ATP2B2: variants seen among roughly 807,000 people sequenced by gnomAD.
ATP2B2 encodes plasma membrane calcium-transporting ATPase 2.
Under a neutral mutation model 120.0 loss-of-function variants are expected in ATP2B2, and 15 were observed. The observed-to-expected ratio is 0.12, with a 90% CI of 0.08 to 0.19. ATP2B2 has a LOEUF of 0.19. ATP2B2 is among the 10% of genes least tolerant of loss of function. ATP2B2 has a pLI of 1.00. For synonymous variants in ATP2B2, 694 were observed against 700.3 expected (o/e 0.99, Z 0.14); for missense variants, 1,045 against 1,719.8 (o/e 0.61, Z 6.94).
chr3:10,540,845 G>C (rs956925867), intron 2 of ATP2B2, among the ~76,000 whole-genome samples: 6 of 151,084 alleles, frequency 4.0e-5, no homozygotes, highest in African/African-American at 1.5e-4. Context: ...TTGTGCACAT[G>C]TACCCTAGAA....
At chr3:10,470,476 G>A (rs1196876796) in intron 1 of ATP2B2, among the ~76,000 whole-genome samples, 6 of 152,146 alleles carry the variant, frequency 3.9e-5, no homozygotes, top group Admixed American at 2.0e-4. Flanking sequence ...GTTAAGTACA[G>A]GACTGAGGGA....
rs961663093 is a variant in ATP2B2, at chr3:10,342,374, G to A, written c.2917+378C>T. Among the ~76,000 whole-genome samples, 3 of 152,198 alleles carry A rather than the reference G, an allele frequency of 2.0e-5. No individual in the cohort carries two copies. The highest frequency in any genetic ancestry group is 1.3e-4 in the Admixed American group (2 of 15,292). On this transcript the variant is annotated intron_variant, in intron 19 of 22. Transcript: ENST00000360273. The surrounding 1 kb of genome is among the most constrained non-coding windows in gnomAD (Gnocchi z 4.4). ...AAGCCTTGCTGAGGGTCCCTTCCAC[G>A]GGGCCAGGATAAGGTGCTGGAATGG...
intron 12 of ATP2B2, among the ~76,000 whole-genome samples, chr3:10,369,864 A>G (rs2061174742): frequency 6.6e-6 from 1 of 152,184 alleles, no homozygotes; most frequent in Admixed American, 6.5e-5. Flanking sequence ...TCCTTCCCAC[A>G]TCGACGGCTG....
intron 2 of ATP2B2, chr3:10,566,590 T>C (rs1038586397): frequency 2.0e-5 from 3 of 152,230 alleles, no homozygotes; most frequent in African/African-American, 7.2e-5. Context: ...TTAGTTTAGA[T>C]TGAAGAGAAG....
intron 1 of ATP2B2, among the ~76,000 whole-genome samples, chr3:10,492,075 G>A (rs1008001329): frequency 7.2e-5 from 11 of 152,176 alleles, no homozygotes; most frequent in Non-Finnish European, 1.3e-4. Context: ...CATTTGTTGC[G>A]ACAAGCATGC....
chr3:10,438,694 C>T (rs142022723), intron 2 of ATP2B2, among the ~76,000 whole-genome samples: 13 of 152,340 alleles, frequency 8.5e-5, no homozygotes, highest in Non-Finnish European at 1.2e-4. Flanking sequence ...ATAACTTACC[C>T]GCCCTGTCTG....
intron 1 of ATP2B2, among the ~76,000 whole-genome samples, chr3:10,484,978 G>A (rs1006367065): frequency 5.3e-5 from 8 of 152,250 alleles, no homozygotes; most frequent in Non-Finnish European, 8.8e-5. Flanking sequence ...CCTGGGCACA[G>A]TGCCTGGCAC....
At chr3:10,496,654 G>A (rs1195350975) in intron 1 of ATP2B2, among the ~76,000 whole-genome samples, 3 of 151,984 alleles carry the variant, frequency 2.0e-5, no homozygotes, top group Non-Finnish European at 2.9e-5. Context: ...CACTCCACAC[G>A]CAGACACTAG....
intron 3 of ATP2B2, among the ~76,000 whole-genome samples, chr3:10,529,092 C>T (rs541587160): frequency 1.3e-5 from 2 of 152,326 alleles, no homozygotes; most frequent in Non-Finnish European, 2.9e-5. Flanking sequence ...TCCCACCTTC[C>T]CGGGGGAAGA....
chr3:10,449,479 C>A lies in ATP2B2; in HGVS notation c.65G>T (p.Gly22Val), dbSNP rs777800527. 4 of 1,614,252 alleles carry A rather than the reference C, an allele frequency of 2.5e-6. No individual in the cohort carries two copies. In the South Asian group the frequency reaches 4.4e-5, roughly 18 times the overall value. The change falls in exon 2 of 23, where the codon GGC (glycine) becomes GTC (valine). Residue 22 changes from glycine to valine, a missense_variant. This residue lies in a region of ATP2B2 where 139 missense variants were observed against 134.2 expected (regional missense o/e 1.04). Transcript: ENST00000360273. Reference sequence around the variant, plus strand: ...CTCCTCCATTGTGCACCCGAACTCGCCCCCATGGCTCGACTCATTTCTTTG... The same window carrying A: ...CTCCTCCATTGTGCACCCGAACTCGACCCCATGGCTCGACTCATTTCTTTG... ...KNQRNESSHG[G>V]EFGCTMEELR...
chr3:10,624,134 G>C (rs1271200156), intron 1 of ATP2B2, among the ~76,000 whole-genome samples: 1 of 152,126 alleles, frequency 6.6e-6, no homozygotes, highest in Non-Finnish European at 1.5e-5. Flanking sequence ...GCTTAGTTTG[G>C]TTTGACCCAG....
At chr3:10,336,730 G>A (rs969002476) in intron 22 of ATP2B2, among the ~76,000 whole-genome samples, 4 of 152,200 alleles carry the variant, frequency 2.6e-5, no homozygotes, top group African/African-American at 4.8e-5. Context: ...CTGACCTTGG[G>A]CAAGCCACCT....
chr3:10,540,284 G>A (rs923620841), intron 2 of ATP2B2, among the ~76,000 whole-genome samples: 1 of 152,218 alleles, frequency 6.6e-6, no homozygotes, highest in Non-Finnish European at 1.5e-5. Flanking sequence ...CTGTAAACTA[G>A]TTCAACCATT....
chr3:10,449,322 G>T (rs749453685), intron 2 of ATP2B2, 23 bp downstream of exon 2: 2 of 1,613,858 alleles, frequency 1.2e-6, no homozygotes, highest in Non-Finnish European at 1.7e-6. Context: ...CTGCAGCCCT[G>T]GGTTCAAGTC....
rs529210961 is a variant in ATP2B2 at position 10,449,595 on chromosome 3, A to C, written c.-52T>G. 12 of 1,607,440 alleles carry C rather than the reference A, an allele frequency of 7.5e-6. No homozygotes were observed. The highest frequency in any genetic ancestry group is 9.4e-6 in the Non-Finnish European group (11 of 1,174,440). On this transcript the variant is annotated 5_prime_UTR_variant, in exon 2 of 23. Coordinates refer to ENST00000360273, the MANE Select transcript of ATP2B2 (RefSeq NM_001001331.4). ...GGCCCAAGGGTCAGCGCTGGACAAGAGGCTGCCGGGTGATGGCTGCTTGTG... is the reference window on the plus strand; with the variant it reads ...GGCCCAAGGGTCAGCGCTGGACAAGCGGCTGCCGGGTGATGGCTGCTTGTG...
At chr3:10,380,467 G>A (rs1342430579) in intron 8 of ATP2B2, among the ~76,000 whole-genome samples, 3 of 152,226 alleles carry the variant, frequency 2.0e-5, no homozygotes, top group Non-Finnish European at 4.4e-5. Context: ...CATAAGCTCT[G>A]AGATTCCATC....
intron 1 of ATP2B2, among the ~76,000 whole-genome samples, chr3:10,707,747 C>T (rs913302463): frequency 4.6e-5 from 7 of 151,682 alleles, no homozygotes; most frequent in African/African-American, 1.5e-4. Flanking sequence ...GCGCCTGCCT[C>T]CGCGGGGCGA....
chr3:10,575,432 G>A lies in ATP2B2; in HGVS notation c.-414-41299C>T, dbSNP rs952135615. On this transcript the variant is annotated intron_variant, in intron 2 of 21. Coordinates refer to the ATP2B2 transcript ENST00000646379. ...CCTAGAGTTCTAGGGAGGATTCAAC[G>A]AAAACAATCCATATAAAGTCTTTAG... 5.9e-5 allele frequency among the ~76,000 whole-genome samples: 9 copies of A among 152,190 alleles called. No homozygotes were observed. The East Asian group carries it at 1.2e-3, about 20-fold the overall frequency.
intron 1 of ATP2B2, among the ~76,000 whole-genome samples, chr3:10,461,731 T>G (rs2064499146): frequency 6.6e-6 from 1 of 152,166 alleles, no homozygotes; most frequent in Admixed American, 6.5e-5. Context: ...CTAGGCTTCC[T>G]TCCTCTTGTA....
Sources: gnomAD v4.1 joint callset for allele counts (sites outside exome capture counted in the v4.1 genomes callset) on GRCh38, gnomAD v4.1.1 for gene constraint, gnomAD v4.1.1 regional missense constraint, Gnocchi (gnomAD v3.1) non-coding constraint, MANE v1.5 for transcripts, NCBI Gene and HGNC (gene_info 2026-07-23, HGNC 2026-07-21) for gene names.